Variants in PCSK5 observed in about 807,000 individuals in gnomAD.
The protein encoded by PCSK5 is prohormone convertase 5.
A neutral mutation model predicts 233.2 loss-of-function variants in PCSK5; 129 were observed. The ratio of observed to expected loss-of-function variants is 0.55; its 90% confidence interval spans 0.48 to 0.64. PCSK5 has a LOEUF of 0.64. PCSK5 is among the 30% of genes least tolerant of loss of function. The pLI, the probability that PCSK5 is intolerant of heterozygous loss-of-function variation, is 0.00. For synonymous variants in PCSK5, 825 were observed against 879.2 expected (o/e 0.94, Z 1.09); for missense variants, 2,076 against 2,430.1 (o/e 0.85, Z 3.06).
intron 2 of PCSK5, among the ~76,000 whole-genome samples, chr9:75,957,627 G>C (rs993254331): frequency 9.9e-5 from 15 of 152,264 alleles, no homozygotes; most frequent in African/African-American, 3.4e-4. Context: ...GTAGGATCCG[G>C]CTGTCTCCTA....
At chr9:75,921,513 C>T (rs1823258768) in intron 1 of PCSK5, among the ~76,000 whole-genome samples, 1 of 152,060 alleles carries the variant, frequency 6.6e-6, no homozygotes, top group Admixed American at 6.6e-5. Context: ...GTGAAGACCC[C>T]ATTTTCAGAC....
intron 31 of PCSK5, 56 bp downstream of exon 31, chr9:76,321,695 C>G: frequency 8.8e-7 from 1 of 1,140,894 alleles, no homozygotes; most frequent in Non-Finnish European, 1.3e-6. Context: ...CAGTTGGGGG[C>G]CGATTATCTG....
At chr9:76,190,376 G>GAATC (rs1387531744) in intron 20 of PCSK5, among the ~76,000 whole-genome samples, 3 of 149,480 alleles carry the variant, frequency 2.0e-5, no homozygotes, top group Non-Finnish European at 3.0e-5. Context: ...GCCTTTTCCA[G>GAATC]AATCTGTATA....
chr9:76,181,393 T>A lies in PCSK5; in HGVS notation c.2004-5T>A. ...TGCCTTCTTTCTTATTGTTTCACAA[T>A]GCAGGATCTGTGTCTCCAGCTGCCC... On this transcript the variant is annotated splice_polypyrimidine_tract_variant and splice_region_variant and intron_variant, in intron 15 of 37. Coordinates refer to ENST00000674117, the MANE Select transcript of PCSK5 (RefSeq NM_001372043.1). The A allele has an allele frequency of 6.2e-7, 1 of 1,611,188 alleles. No individual in the cohort carries two copies. Among genetic ancestry groups the A allele is most frequent in the African/African-American group, 1.3e-5 (1 of 74,966 alleles).
At chr9:76,151,767 TG>T (rs1237586654) in intron 10 of PCSK5, among the ~76,000 whole-genome samples, 1 of 152,214 alleles carries the variant, frequency 6.6e-6, no homozygotes, top group Non-Finnish European at 1.5e-5. Context: ...TCTTACTCTT[TG>T]GATGTCCTTT....
chr9:76,138,224 C>A (rs1823058119), intron 10 of PCSK5, among the ~76,000 whole-genome samples: 1 of 152,090 alleles, frequency 6.6e-6, no homozygotes, highest in Non-Finnish European at 1.5e-5. Context: ...AATTTACACT[C>A]CATCTCTTTT....
chr9:76,141,944 CAAA>C (rs1234319003), intron 10 of PCSK5, among the ~76,000 whole-genome samples: 2 of 151,874 alleles, frequency 1.3e-5, no homozygotes, highest in African/African-American at 4.8e-5. Flanking sequence ...CTCGTGAACA[CAAA>C]GAAGGAACAA....
intron 5 of PCSK5, among the ~76,000 whole-genome samples, chr9:76,056,599 T>G (rs556222530): frequency 6.6e-6 from 1 of 152,298 alleles, no homozygotes; most frequent in East Asian, 1.9e-4. Flanking sequence ...ATTATAGTGG[T>G]TTATTGTTAG....
intron 3 of PCSK5, among the ~76,000 whole-genome samples, chr9:76,010,743 A>G (rs777980252): frequency 1.1e-4 from 16 of 152,212 alleles, no homozygotes; most frequent in Non-Finnish European, 1.8e-4. Context: ...AGAGCTTACT[A>G]ATTAGATAGA....
chr9:76,029,677 T>C (rs143222465), intron 5 of PCSK5, among the ~76,000 whole-genome samples: 1 of 152,174 alleles, frequency 6.6e-6, no homozygotes, highest in Non-Finnish European at 1.5e-5. Context: ...CTAATACCTA[T>C]GAGTTGGGTA....
chr9:75,901,681 A>G (rs1469181808), intron 1 of PCSK5, among the ~76,000 whole-genome samples: 3 of 152,076 alleles, frequency 2.0e-5, no homozygotes, highest in Non-Finnish European at 4.4e-5. Context: ...AGCAGCGGGA[A>G]CTGGAGGAAA....
intron 28 of PCSK5, 132 bp downstream of exon 28, chr9:76,302,349 A>C (rs1828637310): frequency 2.9e-6 from 1 of 344,494 alleles, no homozygotes; most frequent in African/African-American, 2.2e-5. Flanking sequence ...AGGTCATTAG[A>C]AAAAGTTGGA....
chr9:76,108,696 T>C (rs1005161826), intron 9 of PCSK5, among the ~76,000 whole-genome samples: 7 of 152,134 alleles, frequency 4.6e-5, no homozygotes, highest in African/African-American at 1.7e-4. Context: ...GAGGTTGCAG[T>C]GAGCCGAGAT....
At chr9:75,912,419 T>A (rs1231354228) in intron 1 of PCSK5, among the ~76,000 whole-genome samples, 1 of 152,142 alleles carries the variant, frequency 6.6e-6, no homozygotes, top group African/African-American at 2.4e-5. Flanking sequence ...ATGGGTTAAA[T>A]CTTGAAGGTT....
rs570417578 is a variant in PCSK5, at chr9:76,200,113, C to G, written c.2626+10367C>G. On this transcript the variant is annotated intron_variant, in intron 20 of 37. Coordinates refer to ENST00000674117, the MANE Select transcript of PCSK5 (RefSeq NM_001372043.1). ...CTCCCTCTCCTCTCCTATTTTCTCT[C>G]CTTTCCCTAATCAGTTCCCTACACA... Among the ~76,000 whole-genome samples the G allele has an allele frequency of 3.3e-5, 5 of 152,160 alleles. No individual in the cohort carries two copies. In the East Asian group the frequency reaches 9.7e-4, roughly 29 times the overall value.
At chr9:76,031,282 GTTTAGAGAAGTTGACT>G (rs1563983194) in intron 5 of PCSK5, among the ~76,000 whole-genome samples, 1 of 152,136 alleles carries the variant, frequency 6.6e-6, no homozygotes, top group Non-Finnish European at 1.5e-5. Context: ...TAGCTTTGTA[GTTTAGAGAAGTTGACT>G]TTTAGCCTTG....
At chr9:75,923,037 G>A (rs569433082) in intron 1 of PCSK5, among the ~76,000 whole-genome samples, 164 of 152,230 alleles carry the variant, frequency 1.1e-3, no homozygotes, top group Non-Finnish European at 2.0e-3. Context: ...GACAGGGTGG[G>A]GATACTATGT....
chr9:76,040,220 T>C (rs953558085), intron 5 of PCSK5, among the ~76,000 whole-genome samples: 1 of 152,172 alleles, frequency 6.6e-6, no homozygotes, highest in Admixed American at 6.5e-5. Context: ...CCTCACTTCA[T>C]GTACTCTAGG....
intron 7 of PCSK5, among the ~76,000 whole-genome samples, chr9:76,076,541 A>G (rs560597153): frequency 3.9e-5 from 6 of 152,346 alleles, no homozygotes; most frequent in African/African-American, 1.4e-4. Flanking sequence ...AAGCCCAAGT[A>G]TCAAGAGAGA....
Sources: allele counts gnomAD v4.1 joint callset (sites outside exome capture counted in the v4.1 genomes callset), GRCh38; gene constraint gnomAD v4.1.1; transcripts MANE v1.5; gene names NCBI Gene and HGNC (gene_info 2026-07-23, HGNC 2026-07-21).